The following RPS6KL1 variants were observed in gnomAD, a reference collection of about 807,000 sequenced individuals.
The protein encoded by RPS6KL1 is ribosomal protein S6 kinase-like 1.
In RPS6KL1, 41 loss-of-function variants were observed where a neutral mutation model predicts 57.0. That is an observed-to-expected ratio of 0.72 (90% CI 0.56 to 0.93). The LOEUF (loss-of-function observed/expected upper bound fraction) is 0.93. Ranked by LOEUF, RPS6KL1 falls within the 40% of genes least tolerant of loss-of-function variation. The pLI is 0.00. For missense variants in RPS6KL1, 697 were observed against 727.7 expected (o/e 0.96, Z 0.49); for synonymous variants, 287 against 309.7 (o/e 0.93, Z 0.77).
chr14:74,921,847 G>A lies in RPS6KL1; in HGVS notation c.-21+131C>T, dbSNP rs976184402. ...GGCTGGATTGCAGTGGTGCGATCTC[G>A]GCTCACTGCAACCTCCACTTCCCAG... On this transcript the variant is annotated intron_variant, in intron 2 of 11. Transcript: ENST00000557413. 125 of 674,852 alleles carry A rather than the reference G, an allele frequency of 1.9e-4. 1 individual carries two copies. Among genetic ancestry groups the A allele is most frequent in the Non-Finnish European group, 2.3e-4 (113 of 496,382 alleles). The allele number at this position is 674,852 out of a possible 1,614,324, so 41.8% of individuals were successfully genotyped here. A position where few individuals can be genotyped will look rare whatever the true frequency, so the allele number is the denominator to read the frequency against.
Position 74,909,565 on chromosome 14 carries a change from C to T in RPS6KL1, c.1248G>A (p.Gly416=). 2 of 1,606,668 alleles carry T rather than the reference C, an allele frequency of 1.2e-6. No individual in the cohort carries two copies. Among genetic ancestry groups the T allele is most frequent in the East Asian group, 4.5e-5 (2 of 44,818 alleles). The change falls in exon 8 of 12, where the codon GGG becomes GGA. Residue 416 remains glycine (G), a synonymous_variant. Coordinates refer to ENST00000557413, the MANE Select transcript of RPS6KL1 (RefSeq NM_031464.5). ...TACCTGCCTGGTCCAGGAGCAGGTTCCCGGGGTGGAGGTCCCGGCACAGCA... is the reference window on the plus strand; with the variant it reads ...TACCTGCCTGGTCCAGGAGCAGGTTTCCGGGGTGGAGGTCCCGGCACAGCA... ...QGVLCRDLHP[G]NLLLDQAGHI... is the part of the protein sequence containing the mutation.
intron 5 of RPS6KL1, among the ~76,000 whole-genome samples, chr14:74,915,315 C>T (rs1594936141): frequency 6.6e-6 from 1 of 152,306 alleles, no homozygotes; most frequent in Middle Eastern, 3.4e-3. Context: ...TGCCACAGCT[C>T]TGTAAATGAG....
In RPS6KL1 at chr14:74,918,601, A is replaced by C; in HGVS notation, c.395T>G (p.Phe132Cys). The change falls in exon 5 of 12, where the codon TTC becomes TGC. Residue 132 changes from phenylalanine to cysteine, a missense_variant. By Grantham distance (205) the Phe-to-Cys change is radical. Coordinates refer to ENST00000557413, the MANE Select transcript of RPS6KL1 (RefSeq NM_031464.5). ...LSSGASPSAG[F>C]SSLRLRPIRT... ...AATGGGCCGGAGCCTCAGGCTGCTG[A>C]AACCCTGCAGAGGAGGGAGACAGGC... The C allele has an allele frequency of 6.5e-7, 1 of 1,534,148 alleles. No homozygotes were observed. The highest frequency in any genetic ancestry group is 8.7e-7 in the Non-Finnish European group (1 of 1,145,940).
At chr14:74,910,183 C>T (rs1348712024) in intron 7 of RPS6KL1, 35 bp from the exon 8 acceptor site, 1 of 1,492,552 alleles carries the variant, frequency 6.7e-7, no homozygotes, top group Non-Finnish European at 8.9e-7. Flanking sequence ...AGCGTGGGGA[C>T]AGGGAGAAAA....
rs1884495661 is a variant in RPS6KL1 at position 74,904,684 on chromosome 14, T to C, written c.*2330A>G. The C allele has an allele frequency of 6.6e-6, 1 of 152,224 alleles. No homozygotes were observed. The highest frequency in any genetic ancestry group is 1.5e-5 in the Non-Finnish European group (1 of 68,046). The allele number at this position is 152,224 out of a possible 1,614,324, so 9.4% of individuals were successfully genotyped here. ...TTGCATTTTTTGTGTGGGCTTACAT[T>C]ATTTCAGTGATGGATTTGGGAGGAG... On this transcript the variant is annotated 3_prime_UTR_variant, in exon 12 of 12. Coordinates refer to ENST00000557413, the MANE Select transcript of RPS6KL1 (RefSeq NM_031464.5).
At chr14:74,918,687 G>A in intron 4 of RPS6KL1, 82 bp from the exon 5 acceptor site, 1 of 1,071,014 alleles carries the variant, frequency 9.3e-7, no homozygotes, top group Non-Finnish European at 1.3e-6. Flanking sequence ...GCATCAGGCA[G>A]GGGCTTCTGG....
Position 74,909,821 on chromosome 14 carries a change from C to G in RPS6KL1, c.992G>C (p.Arg331Thr). The change falls in exon 8 of 12, where the codon AGG becomes ACG. Residue 331 changes from arginine to threonine, a missense_variant. Arg to Thr is a moderately conservative substitution (Grantham distance 71). Transcript: ENST00000557413. ...AGCGTCTGAGTTCTGGCCAGCCCTCCTAGCTTGAAGGTGCAGGTGGCCACC... is the reference window on the plus strand; with the variant it reads ...AGCGTCTGAGTTCTGGCCAGCCCTCGTAGCTTGAAGGTGCAGGTGGCCACC... The part of the protein sequence containing the change: ...APGGHLHLQA[R>T]RAGQNSDAGP... 1 of 1,609,598 alleles carries G rather than the reference C, an allele frequency of 6.2e-7. No individual in the cohort carries two copies. Among genetic ancestry groups the G allele is most frequent in the Non-Finnish European group, 8.5e-7 (1 of 1,177,754 alleles).
chr14:74,918,584 G>A lies in RPS6KL1; in HGVS notation c.412C>T (p.Arg138Trp), dbSNP rs916622706. The change falls in exon 5 of 12, where the codon CGG becomes TGG. Residue 138 changes from arginine to tryptophan, a missense_variant. Physicochemically the swap from Arg to Trp is moderately radical, Grantham distance 101 (BLOSUM62 -3). Coordinates refer to ENST00000557413, the MANE Select transcript of RPS6KL1 (RefSeq NM_031464.5). ...PSAGFSSLRL[R>W]PIRTLSSAVE... ...GCAGAGCTCAGCGTGCGAATGGGCC[G>A]GAGCCTCAGGCTGCTGAAACCCTGC... is the stretch of plus-strand genomic sequence containing the variant. 12 of 1,534,078 alleles carry A rather than the reference G, an allele frequency of 7.8e-6. No individual in the cohort carries two copies. Among genetic ancestry groups the A allele is most frequent in the African/African-American group, 5.5e-5 (4 of 73,022 alleles).
rs1227437770 is a variant in RPS6KL1 at position 74,922,354 on chromosome 14, G to A, written c.-397C>T. 4.1e-6 allele frequency: 4 copies of A among 985,874 alleles called. No homozygotes were observed. Among genetic ancestry groups the A allele is most frequent in the Non-Finnish European group, 4.8e-6 (4 of 830,334 alleles). The allele number at this position is 985,874 out of a possible 1,614,324, so 61.1% of individuals were successfully genotyped here. On this transcript the variant is annotated 5_prime_UTR_variant, in exon 2 of 12. Transcript: ENST00000557413. ...AATCTCATTTACCCTTTGGGGTTTA[G>A]CACTTCTCCGTGGACCGGATGGATT...
rs2140336242 is a variant in RPS6KL1, at chr14:74,918,606, C to T, written c.391-1G>A. On this transcript the variant is annotated splice_acceptor_variant, in intron 4 of 11. Coordinates refer to ENST00000557413, the MANE Select transcript of RPS6KL1 (RefSeq NM_031464.5). LOFTEE classifies it high-confidence loss of function. ...GCCGGAGCCTCAGGCTGCTGAAACCCTGCAGAGGAGGGAGACAGGCCACAC... is the reference window on the plus strand; with the variant it reads ...GCCGGAGCCTCAGGCTGCTGAAACCTTGCAGAGGAGGGAGACAGGCCACAC... 1 of 1,533,768 alleles carries T rather than the reference C, an allele frequency of 6.5e-7. No individual in the cohort carries two copies.
intron 5 of RPS6KL1, among the ~76,000 whole-genome samples, chr14:74,916,422 C>T (rs1393887985): frequency 2.0e-5 from 3 of 152,192 alleles, no homozygotes; most frequent in Admixed American, 1.3e-4. Context: ...CACTGGCTCA[C>T]GCCTGTAATC....
intron 10 of RPS6KL1, 92 bp downstream of exon 10, chr14:74,908,758 G>A: frequency 8.7e-7 from 1 of 1,150,796 alleles, no homozygotes; most frequent in Non-Finnish European, 1.3e-6. Flanking sequence ...CAGCCAGGCA[G>A]TCTCTGCCCA....
In RPS6KL1 at chr14:74,921,478, C is replaced by G; in HGVS notation, c.64G>C (p.Ala22Pro). 1 of 1,614,130 alleles carries G rather than the reference C, an allele frequency of 6.2e-7. No homozygotes were observed. Among genetic ancestry groups the G allele is most frequent in the Non-Finnish European group, 8.5e-7 (1 of 1,180,010 alleles). ...PGLEPEPCSR[A>P]RSQAHVYLEQ... ...AGGTACACGTGAGCTTGGGACCGTG[C>G]TCGTGAGCAAGGCTCAGGCTCCAGG... The change falls in exon 3 of 12, where the codon GCA becomes CCA. Residue 22 changes from alanine (A) to proline (P), a missense_variant. Transcript: ENST00000557413.
intron 3 of RPS6KL1, 32 bp from the exon 4 acceptor site, chr14:74,920,001 G>T (rs1048825465): frequency 1.4e-5 from 23 of 1,613,652 alleles, no homozygotes; most frequent in African/African-American, 2.7e-5. Flanking sequence ...AGGGTCCCCA[G>T]CCATGGCCTC....
chr14:74,919,842 C>G lies in RPS6KL1; in HGVS notation c.390+3G>C, dbSNP rs1430167437. On this transcript the variant is annotated splice_donor_region_variant and intron_variant, in intron 4 of 11. Coordinates refer to ENST00000557413, the MANE Select transcript of RPS6KL1 (RefSeq NM_031464.5). ...GGCCTTTGGGTGGGGGGGGTCTCCT[C>G]ACCGCGCTGGGGCTGGCTCCACTGC... 5 of 1,612,304 alleles carry G rather than the reference C, an allele frequency of 3.1e-6. No homozygotes were observed. Among genetic ancestry groups the G allele is most frequent in the Non-Finnish European group, 3.4e-6 (4 of 1,179,700 alleles).
chr14:74,907,234 G>T, intron 11 of RPS6KL1, 110 bp from the exon 12 acceptor site: 1 of 1,362,752 alleles, frequency 7.3e-7, no homozygotes, highest in Non-Finnish European at 1.0e-6. Flanking sequence ...CTGGCAGCCT[G>T]GCCCACAGAA....
At position 74,906,410 on chromosome 14, in the gene RPS6KL1, G is replaced by GGGC. The variant is rs1884839496; in HGVS notation, c.*603_*604insGCC. On this transcript the variant is annotated 3_prime_UTR_variant, in exon 12 of 12. Transcript: ENST00000557413. ...GGGGGCATGGTCAGGAATCGGGGGT[G>GGGC]GGGGGGTGGGGGTGGGGGTCATCCT... is the stretch of plus-strand genomic sequence containing the variant. 10 of 224,922 alleles carry GGGC rather than the reference G, an allele frequency of 4.4e-5. No individual in the cohort carries two copies. The highest frequency in any genetic ancestry group is 2.4e-4 in the South Asian group (10 of 41,626). The allele number at this position is 224,922 out of a possible 1,614,324, so 13.9% of individuals were successfully genotyped here.
chr14:74,912,611 A>G (rs533065740), intron 5 of RPS6KL1, among the ~76,000 whole-genome samples: 7 of 152,258 alleles, frequency 4.6e-5, no homozygotes, highest in South Asian at 4.1e-4. Flanking sequence ...TCCCCAGCGC[A>G]GCCATGTTGT....
chr14:74,921,819 C>T (rs1887908623), intron 2 of RPS6KL1, 159 bp downstream of exon 2: 10 of 1,070,016 alleles, frequency 9.3e-6, no homozygotes, highest in Non-Finnish European at 1.2e-5. Context: ...GCTATGTCAC[C>T]CAGGCTGGAT....
Sources: allele counts gnomAD v4.1 joint callset (sites outside exome capture counted in the v4.1 genomes callset), GRCh38; gene constraint gnomAD v4.1.1; transcripts MANE v1.5; gene names NCBI Gene and HGNC (gene_info 2026-07-23, HGNC 2026-07-21).